FGF10: variants seen among roughly 807,000 people sequenced by gnomAD.
FGF10 encodes the protein FGF-10.
FGF10 carries 2 observed loss-of-function variants against 19.8 expected under a neutral mutation model. That is an observed-to-expected ratio of 0.10 (90% CI 0.04 to 0.32). FGF10 has a LOEUF of 0.32. Among genes scored for constraint, FGF10 ranks in the 10% least tolerant of loss-of-function variants. The probability of loss-of-function intolerance (pLI) is 1.00; values close to 1 mark genes in which losing one functional copy is unlikely to be tolerated. For missense variants in FGF10, 191 were observed against 246.3 expected, an observed-to-expected ratio of 0.78 and a Z score of 1.50; for synonymous variants, 112 against 94.0, an observed-to-expected ratio of 1.19 and a Z score of -1.10.
intron 1 of FGF10, among the ~76,000 whole-genome samples, chr5:44,325,599 G>A (rs938772343): frequency 6.6e-6 from 1 of 152,022 alleles, no homozygotes; most frequent in Non-Finnish European, 1.5e-5. Flanking sequence ...CATGGATGAA[G>A]CTGGAAACCA....
At chr5:44,373,658 A>C (rs1459583225) in intron 1 of FGF10, among the ~76,000 whole-genome samples, 3 of 152,122 alleles carry the variant, frequency 2.0e-5, no homozygotes, top group Non-Finnish European at 2.9e-5. Flanking sequence ...GAGCCCTCAA[A>C]AAAAGCACTG....
At chr5:44,370,021 CCCT>C (rs1368015576) in intron 1 of FGF10, among the ~76,000 whole-genome samples, 1 of 151,940 alleles carries the variant, frequency 6.6e-6, no homozygotes, top group Non-Finnish European at 1.5e-5. Flanking sequence ...ATATTTGCCC[CCCT>C]CCTCCACCGC....
intron 1 of FGF10, among the ~76,000 whole-genome samples, chr5:44,332,851 G>A (rs1740768090): frequency 6.6e-6 from 1 of 151,982 alleles, no homozygotes; most frequent in Non-Finnish European, 1.5e-5. Flanking sequence ...AGAAACAGAA[G>A]GAGGGGAAGG....
chr5:44,366,690 C>T (rs928782934), intron 1 of FGF10, among the ~76,000 whole-genome samples: 1 of 151,912 alleles, frequency 6.6e-6, no homozygotes, highest in African/African-American at 2.4e-5. Flanking sequence ...TCCATTAGTA[C>T]AAGGTTCGCC....
At chr5:44,357,947 T>C (rs1043755596) in intron 1 of FGF10, among the ~76,000 whole-genome samples, 2 of 151,360 alleles carry the variant, frequency 1.3e-5, no homozygotes, top group Non-Finnish European at 3.0e-5. Context: ...CACCACATTA[T>C]AAGATGATGC....
At chr5:44,370,991 C>A (rs1741730032) in intron 1 of FGF10, among the ~76,000 whole-genome samples, 4 of 152,176 alleles carry the variant, frequency 2.6e-5, no homozygotes, top group African/African-American at 7.2e-5. Flanking sequence ...GTTGAAAAAT[C>A]CTTCAGAATG....
intron 1 of FGF10, among the ~76,000 whole-genome samples, chr5:44,348,357 T>C (rs915995161): frequency 1.3e-5 from 2 of 151,704 alleles, no homozygotes; most frequent in African/African-American, 4.8e-5. Flanking sequence ...CCATACTTCC[T>C]TGCCATAGTA....
At chr5:44,385,358 G>T (rs546976920) in intron 1 of FGF10, among the ~76,000 whole-genome samples, 7 of 152,212 alleles carry the variant, frequency 4.6e-5, no homozygotes, top group African/African-American at 1.7e-4. Flanking sequence ...AACTAGCTTT[G>T]AAAGTAGAAG....
chr5:44,339,035 T>G lies in FGF10; in HGVS notation c.326-28505A>C, dbSNP rs552009673. On this transcript the variant is annotated intron_variant, in intron 1 of 2. Transcript: ENST00000264664. ...ATTTAAGACCAACTATATTTAATTT[T>G]AAACAGCTTCTTTCCTTTTACTATT... 9.7e-4 allele frequency among the ~76,000 whole-genome samples: 147 copies of G among 152,298 alleles called. 1 individual carries two copies. Among genetic ancestry groups the G allele is most frequent in the African/African-American group, 3.3e-3 (136 of 41,590 alleles).
rs536039526 is a variant in FGF10, at chr5:44,318,760, G to T, written c.326-8230C>A. Among the ~76,000 whole-genome samples, 6 of 152,204 alleles carry T rather than the reference G, an allele frequency of 3.9e-5. No individual in the cohort carries two copies. In the South Asian group the frequency reaches 1.2e-3, roughly 32 times the overall value. ...TATTATGATACAGAAGCTTTGGCAA[G>T]CATGTCAACTGTCATATTTTTCCCC... On this transcript the variant is annotated intron_variant, in intron 1 of 2. Transcript: ENST00000264664.
intron 1 of FGF10, among the ~76,000 whole-genome samples, chr5:44,332,490 A>C (rs955878158): frequency 6.6e-6 from 1 of 152,266 alleles, no homozygotes; most frequent in East Asian, 1.9e-4. Flanking sequence ...TCCATTTGGC[A>C]ACTGAGAGTG....
At chr5:44,317,953 T>C (rs1048631836) in intron 1 of FGF10, among the ~76,000 whole-genome samples, 1 of 152,124 alleles carries the variant, frequency 6.6e-6, no homozygotes, top group African/African-American at 2.4e-5. Flanking sequence ...CTGATATAAA[T>C]TGAATTCACA....
chr5:44,354,984 T>C (rs1268257303), intron 1 of FGF10, among the ~76,000 whole-genome samples: 2 of 151,526 alleles, frequency 1.3e-5, no homozygotes, highest in Non-Finnish European at 3.0e-5. Flanking sequence ...GCTATCTAGC[T>C]AGACAGTGTT....
At chr5:44,325,944 C>G (rs973795891) in intron 1 of FGF10, among the ~76,000 whole-genome samples, 2 of 152,112 alleles carry the variant, frequency 1.3e-5, no homozygotes, top group East Asian at 1.9e-4. Flanking sequence ...AAATTCAGTA[C>G]CCATCATACA....
chr5:44,304,896 C>A lies in FGF10; in HGVS notation c.*99G>T. 8.2e-7 allele frequency: 1 copy of A among 1,216,260 alleles called. No individual in the cohort carries two copies. 75.3% of individuals were successfully genotyped at this position (1,216,260 alleles called of 1,614,324 possible). ...CTTTTAAGCAAGCAGACATCTGCAA[C>A]GTGTCTTTGCCTTTCAATCTACTGT... On this transcript the variant is annotated 3_prime_UTR_variant, in exon 3 of 3. Coordinates refer to ENST00000264664, the MANE Select transcript of FGF10 (RefSeq NM_004465.2).
chr5:44,359,399 A>T (rs977371008), intron 1 of FGF10, among the ~76,000 whole-genome samples: 3 of 151,518 alleles, frequency 2.0e-5, no homozygotes, highest in African/African-American at 4.8e-5. Context: ...GACATTTGTC[A>T]TTGCATAGCA....
intron 1 of FGF10, among the ~76,000 whole-genome samples, chr5:44,383,941 G>A (rs1742043168): frequency 6.6e-6 from 1 of 151,968 alleles, no homozygotes; most frequent in Admixed American, 6.6e-5. Context: ...ACTTCATTTA[G>A]CTTCCTACAA....
intron 1 of FGF10, among the ~76,000 whole-genome samples, chr5:44,331,278 T>A (rs1034885654): frequency 6.6e-6 from 1 of 152,198 alleles, no homozygotes; most frequent in African/African-American, 2.4e-5. Context: ...AAGACTTTGC[T>A]TATTACATTT....
At chr5:44,335,512 C>A (rs1434876735) in intron 1 of FGF10, among the ~76,000 whole-genome samples, 1 of 152,096 alleles carries the variant, frequency 6.6e-6, no homozygotes, top group Non-Finnish European at 1.5e-5. Context: ...GTTCCCAATT[C>A]TATGTGACAA....
Sources: allele counts gnomAD v4.1 joint callset (sites outside exome capture counted in the v4.1 genomes callset), GRCh38; gene constraint gnomAD v4.1.1; transcripts MANE v1.5; gene names NCBI Gene and HGNC (gene_info 2026-07-23, HGNC 2026-07-21).